Variants in CACNA1E observed in about 807,000 individuals in gnomAD.
CACNA1E encodes the protein calcium voltage-gated channel subunit alpha1 E, also known as voltage-dependent R-type calcium channel subunit alpha-1E.
CACNA1E carries 40 observed loss-of-function variants against 259.2 expected under a neutral mutation model. The ratio of observed to expected loss-of-function variants is 0.15; its 90% confidence interval spans 0.12 to 0.20. The LOEUF (loss-of-function observed/expected upper bound fraction) is 0.20. Among genes scored for constraint, CACNA1E ranks in the 10% least tolerant of loss-of-function variants. The pLI, the probability that CACNA1E is intolerant of heterozygous loss-of-function variation, is 1.00. For synonymous variants in CACNA1E, 1,104 were observed against 1,138.5 expected (o/e 0.97, Z 0.61); for missense variants, 1,874 against 3,040.1 (o/e 0.62, Z 9.02).
At chr1:181,676,310 C>A (rs538305437) in intron 7 of CACNA1E, among the ~76,000 whole-genome samples, 1 of 152,160 alleles carries the variant, frequency 6.6e-6, no homozygotes, top group African/African-American at 2.4e-5. Context: ...CCTTGGTATC[C>A]CTTGTCCTGG....
intron 2 of CACNA1E, among the ~76,000 whole-genome samples, chr1:181,461,257 T>C (rs751521620): frequency 1.3e-5 from 2 of 152,158 alleles, no homozygotes; most frequent in Non-Finnish European, 2.9e-5. Context: ...AAAAGAAGTG[T>C]TGGGCCGGGC....
intron 7 of CACNA1E, among the ~76,000 whole-genome samples, chr1:181,668,157 A>G (rs981880351): frequency 3.3e-5 from 5 of 152,208 alleles, no homozygotes; most frequent in African/African-American, 1.2e-4. Context: ...TACCCTTTAT[A>G]GCCACATCTA....
intron 3 of CACNA1E, among the ~76,000 whole-genome samples, chr1:181,548,594 G>A (rs1433060292): frequency 3.9e-5 from 6 of 152,182 alleles, no homozygotes; most frequent in East Asian, 1.9e-4. Flanking sequence ...CTCATACATG[G>A]TTGTTGAATT....
At position 181,753,120 on chromosome 1, in the gene CACNA1E, C is replaced by T. The variant is rs548056677; in HGVS notation, c.3828+881C>T. On this transcript the variant is annotated intron_variant, in intron 27 of 47. Transcript: ENST00000367573. ...CAAAGTCTTTCTGCTGCTCAGGCCACATAGCCAGTCAAGCCCCATCTTCAG... is the reference window on the plus strand; with the variant it reads ...CAAAGTCTTTCTGCTGCTCAGGCCATATAGCCAGTCAAGCCCCATCTTCAG... Among the ~76,000 whole-genome samples the T allele has an allele frequency of 4.6e-5, 7 of 152,360 alleles. No individual in the cohort carries two copies. The South Asian group carries it at 1.4e-3, about 32-fold the overall frequency.
intron 1 of CACNA1E, among the ~76,000 whole-genome samples, chr1:181,358,375 G>A (rs1037140940): frequency 1.3e-5 from 2 of 152,110 alleles, no homozygotes; most frequent in African/African-American, 4.8e-5. Flanking sequence ...ACTCAGTTTT[G>A]TTTTGCTGGA....
At chr1:181,736,761 C>A (rs1572747759) in intron 22 of CACNA1E, among the ~76,000 whole-genome samples, 1 of 152,166 alleles carries the variant, frequency 6.6e-6, no homozygotes, top group Non-Finnish European at 1.5e-5. Flanking sequence ...GATTTTGCCA[C>A]CAAATATTCC....
At chr1:181,503,677 T>A (rs1665460245) in intron 1 of CACNA1E, among the ~76,000 whole-genome samples, 1 of 152,262 alleles carries the variant, frequency 6.6e-6, no homozygotes, top group Non-Finnish European at 1.5e-5. Flanking sequence ...AGTAGGATAC[T>A]GAAAGTAACT....
intron 1 of CACNA1E, among the ~76,000 whole-genome samples, chr1:181,497,426 C>T (rs1028254587): frequency 6.6e-6 from 1 of 152,152 alleles, no homozygotes; most frequent in African/African-American, 2.4e-5. Flanking sequence ...GTCTTTTTAT[C>T]ATATAATTTT....
At chr1:181,766,895 A>T (rs1338825961) in intron 35 of CACNA1E, among the ~76,000 whole-genome samples, 1 of 152,226 alleles carries the variant, frequency 6.6e-6, no homozygotes, top group African/African-American at 2.4e-5. Flanking sequence ...GGTGACAGCC[A>T]TAGAACTAAA....
intron 2 of CACNA1E, among the ~76,000 whole-genome samples, chr1:181,449,976 A>C (rs777004204): frequency 6.6e-6 from 1 of 152,170 alleles, no homozygotes; most frequent in Non-Finnish European, 1.5e-5. Context: ...GAGAATGGGT[A>C]ATTTATGAAG....
At chr1:181,490,171 G>C (rs1195577048) in intron 1 of CACNA1E, among the ~76,000 whole-genome samples, 1 of 152,176 alleles carries the variant, frequency 6.6e-6, no homozygotes, top group Non-Finnish European at 1.5e-5. Context: ...GGAAAGCAGG[G>C]AGCAGCTAGA....
intron 3 of CACNA1E, among the ~76,000 whole-genome samples, chr1:181,520,794 A>T (rs1238232284): frequency 6.6e-6 from 1 of 152,120 alleles, no homozygotes; most frequent in Non-Finnish European, 1.5e-5. Flanking sequence ...TTTATTTTAA[A>T]TTTTTCTAAC....
At chr1:181,395,285 C>T (rs754653505) in intron 1 of CACNA1E, among the ~76,000 whole-genome samples, 1 of 152,064 alleles carries the variant, frequency 6.6e-6, no homozygotes, top group Non-Finnish European at 1.5e-5. Flanking sequence ...CTTGAGCAAC[C>T]AGAAGGACAG....
At chr1:181,721,001 C>A in intron 15 of CACNA1E, 146 bp downstream of exon 15, 2 of 628,750 alleles carry the variant, frequency 3.2e-6, no homozygotes, top group South Asian at 3.8e-5. Context: ...GTTGAGCGGT[C>A]ATTACTACAA....
At chr1:181,528,022 A>AT (rs1343607296) in intron 3 of CACNA1E, among the ~76,000 whole-genome samples, 2 of 151,642 alleles carry the variant, frequency 1.3e-5, no homozygotes, top group African/African-American at 4.9e-5. Flanking sequence ...GGTGAAGACC[A>AT]TTTTTTATCT....
chr1:181,647,292 A>G (rs893408543), intron 6 of CACNA1E, among the ~76,000 whole-genome samples: 3 of 152,178 alleles, frequency 2.0e-5, no homozygotes, highest in Non-Finnish European at 4.4e-5. Context: ...TGGGGCCAGA[A>G]TCTTGATTGG....
intron 6 of CACNA1E, among the ~76,000 whole-genome samples, chr1:181,624,687 AC>A (rs1482409519): frequency 1.3e-5 from 2 of 151,684 alleles, no homozygotes; most frequent in African/African-American, 4.8e-5. Flanking sequence ...GAAGTCTTGA[AC>A]CCCCTCAAAG....
In CACNA1E at chr1:181,732,074, C is replaced by A. The variant is rs1655536445; in HGVS notation, c.2298-310C>A. 6.6e-6 allele frequency among the ~76,000 whole-genome samples: 1 copy of A among 151,876 alleles called. No homozygotes were observed. Among genetic ancestry groups the A allele is most frequent in the African/African-American group, 2.4e-5 (1 of 41,340 alleles). ...GCAGGGGAGTGAAGACGTGGTAAGC[C>A]TGTGGATGGCTGCCCCAGCAGGCCC... On this transcript the variant is annotated intron_variant, in intron 19 of 47. Coordinates refer to ENST00000367573, the MANE Select transcript of CACNA1E (RefSeq NM_001205293.3). The surrounding 1 kb of genome is among the most constrained non-coding windows in gnomAD (Gnocchi z 5.5).
chr1:181,570,862 A>C (rs1650339715), intron 3 of CACNA1E, among the ~76,000 whole-genome samples: 1 of 152,204 alleles, frequency 6.6e-6, no homozygotes, highest in Non-Finnish European at 1.5e-5. Context: ...CTTTTGCCAT[A>C]ACAGGTAACG....
Sources: gnomAD v4.1 joint callset for allele counts (sites outside exome capture counted in the v4.1 genomes callset) on GRCh38, gnomAD v4.1.1 for gene constraint, Gnocchi (gnomAD v3.1) non-coding constraint, MANE v1.5 for transcripts, NCBI Gene and HGNC (gene_info 2026-07-23, HGNC 2026-07-21) for gene names.